The following HACE1 variants were observed in gnomAD, a reference collection of about 807,000 sequenced individuals.
HACE1 encodes HECT domain and ankyrin repeat containing E3 ubiquitin protein ligase 1.
HACE1 carries 73 observed loss-of-function variants against 118.4 expected under a neutral mutation model. That is an observed-to-expected ratio of 0.62 (90% CI 0.51 to 0.75). The LOEUF is 0.75. Ranked by LOEUF, HACE1 falls within the 30% of genes least tolerant of loss-of-function variation. The pLI, the probability that HACE1 is intolerant of heterozygous loss-of-function variation, is 0.00. For missense variants in HACE1, 749 were observed against 1,102.2 expected (o/e 0.68, Z 4.54); for synonymous variants, 368 against 374.8 (o/e 0.98, Z 0.21).
rs192037214 is a variant in HACE1 at position 104,761,334 on chromosome 6, C to T, written c.2211+9859G>A. ...CTACAGTAACCAAAACAGAATGGTA[C>T]TGGTACCAAAACGATATATAGAACA... On this transcript the variant is annotated intron_variant, in intron 19 of 23. Coordinates refer to ENST00000262903, the MANE Select transcript of HACE1 (RefSeq NM_020771.4). Among the ~76,000 whole-genome samples, 163 of 152,316 alleles carry T rather than the reference C, an allele frequency of 1.1e-3. 1 individual carries two copies. Among genetic ancestry groups the T allele is most frequent in the Non-Finnish European group, 1.4e-3 (92 of 68,038 alleles).
chr6:104,774,887 C>G (rs1011007406), intron 17 of HACE1, among the ~76,000 whole-genome samples: 1 of 152,160 alleles, frequency 6.6e-6, no homozygotes, highest in Non-Finnish European at 1.5e-5. Flanking sequence ...TTATAGATAT[C>G]GGGTCTACCC....
intron 14 of HACE1, among the ~76,000 whole-genome samples, chr6:104,778,739 G>A (rs1200692815): frequency 6.6e-6 from 1 of 152,066 alleles, no homozygotes; most frequent in East Asian, 1.9e-4. Context: ...GTTCAAGGCT[G>A]CAATGAGCTA....
intron 6 of HACE1, 78 bp downstream of exon 6, chr6:104,832,964 G>T: frequency 7.8e-7 from 1 of 1,287,490 alleles, no homozygotes; most frequent in Non-Finnish European, 1.1e-6. Context: ...TCCCAAATAT[G>T]CACAATGAAA....
At chr6:104,750,309 G>A in intron 20 of HACE1, 32 bp downstream of exon 20, 2 of 1,576,790 alleles carry the variant, frequency 1.3e-6, no homozygotes, top group South Asian at 1.1e-5. Context: ...TTGTTGTTGT[G>A]TTACAACATA....
At chr6:104,737,220 G>T (rs1041924450) in intron 22 of HACE1, among the ~76,000 whole-genome samples, 1 of 149,872 alleles carries the variant, frequency 6.7e-6, no homozygotes, top group African/African-American at 2.5e-5. Flanking sequence ...TGAACCCAGG[G>T]GGCGGAGGTT....
At chr6:104,796,317 C>G (rs1769617575) in intron 9 of HACE1, among the ~76,000 whole-genome samples, 1 of 151,804 alleles carries the variant, frequency 6.6e-6, no homozygotes, top group Admixed American at 6.6e-5. Context: ...TCTTTGTTGC[C>G]CAAGCTAGTC....
At chr6:104,776,330 A>C (rs1024819574) in intron 17 of HACE1, among the ~76,000 whole-genome samples, 1 of 152,186 alleles carries the variant, frequency 6.6e-6, no homozygotes, top group African/African-American at 2.4e-5. Flanking sequence ...CCAAATAGGG[A>C]CTTTTATTTG....
chr6:104,784,152 G>A lies in HACE1; in HGVS notation c.1500C>T (p.Asp500=), dbSNP rs768078693. Residue 500 remains aspartate, a synonymous_variant, in exon 14 of 24, where the codon GAC becomes GAT. Transcript: ENST00000262903. ...FVNRNPKIIF[D]HFHFLLECPE... The stretch of plus-strand genomic sequence containing the variant: ...GACATTCAAGGAGAAAGTGAAAGTG[G>A]TCAAATATAATTTTGGGATTTCTAA... 1 of 1,591,684 alleles carries A rather than the reference G, an allele frequency of 6.3e-7. No homozygotes were observed. Among genetic ancestry groups the A allele is most frequent in the Non-Finnish European group, 8.6e-7 (1 of 1,159,730 alleles).
chr6:104,743,128 C>T (rs1776980742), intron 22 of HACE1, among the ~76,000 whole-genome samples: 1 of 132,086 alleles, frequency 7.6e-6, no homozygotes, highest in Admixed American at 9.7e-5. Context: ...CACATGGACA[C>T]AGGAAGGGGA....
At chr6:104,799,170 G>A (rs1770019773) in intron 7 of HACE1, among the ~76,000 whole-genome samples, 1 of 152,210 alleles carries the variant, frequency 6.6e-6, no homozygotes, top group Non-Finnish European at 1.5e-5. Flanking sequence ...ACTTAACGGT[G>A]ACACTGTTAT....
At chr6:104,794,252 T>C (rs1783375901) in intron 10 of HACE1, among the ~76,000 whole-genome samples, 2 of 152,154 alleles carry the variant, frequency 1.3e-5, no homozygotes, top group Admixed American at 6.5e-5. Flanking sequence ...AAGGTAAACT[T>C]AAAAACATAG....
At chr6:104,744,417 G>C (rs1777180407) in intron 21 of HACE1, 95 bp downstream of exon 21, 2 of 840,406 alleles carry the variant, frequency 2.4e-6, no homozygotes, top group Admixed American at 3.6e-5. Flanking sequence ...ACTTTACTTT[G>C]TTAATTAATG....
intron 6 of HACE1, among the ~76,000 whole-genome samples, chr6:104,812,321 TA>T (rs1178093815): frequency 4.6e-5 from 7 of 152,170 alleles, no homozygotes; most frequent in Non-Finnish European, 8.8e-5. Flanking sequence ...CACATCATAG[TA>T]GTAGGCCTAG....
chr6:104,852,242 TGCACGG>T, intron 2 of HACE1, 69 bp downstream of exon 2: 1 of 759,792 alleles, frequency 1.3e-6, no homozygotes, highest in African/African-American at 1.9e-5. Context: ...CGCGTGCGCG[TGCACGG>T]GCATGCAGTA....
Position 104,810,685 on chromosome 6 carries a change from T to C in HACE1, c.617+626A>G, listed in dbSNP as rs560747842. Among the ~76,000 whole-genome samples, 3 of 152,160 alleles carry C rather than the reference T, an allele frequency of 2.0e-5. No homozygotes were observed. In the South Asian group the frequency reaches 6.2e-4, roughly 32 times the overall value. Reference sequence around the variant, plus strand: ...TTACTGTATTACACACCTACAACAATGCATGACACAGTGAGCGTTAACTAA... The same window carrying C: ...TTACTGTATTACACACCTACAACAACGCATGACACAGTGAGCGTTAACTAA... On this transcript the variant is annotated intron_variant, in intron 7 of 23. Transcript: ENST00000262903.
At chr6:104,858,634 G>A (rs906199100) in intron 1 of HACE1, 10 of 202,232 alleles carry the variant, frequency 4.9e-5, no homozygotes, top group African/African-American at 2.1e-4. Context: ...AAACCACCCA[G>A]CAGCAATTCA....
chr6:104,775,277 C>T (rs975070349), intron 17 of HACE1, among the ~76,000 whole-genome samples: 2 of 151,790 alleles, frequency 1.3e-5, no homozygotes, highest in Admixed American at 1.3e-4. Flanking sequence ...ACCAGCTACT[C>T]GGGAGGCTGA....
intron 22 of HACE1, chr6:104,732,130 TG>T (rs1775277564): frequency 6.6e-6 from 1 of 152,140 alleles, no homozygotes; most frequent in African/African-American, 2.4e-5. Context: ...GCAGCCTCTG[TG>T]GAAAACAGTA....
chr6:104,798,524 C>A (rs904112551), intron 7 of HACE1, among the ~76,000 whole-genome samples: 2 of 151,808 alleles, frequency 1.3e-5, no homozygotes, highest in South Asian at 4.2e-4. Flanking sequence ...ACCAATAAGC[C>A]CTAACTTAAG....
Sources: gnomAD v4.1 joint callset for allele counts (sites outside exome capture counted in the v4.1 genomes callset) on GRCh38, gnomAD v4.1.1 for gene constraint, MANE v1.5 for transcripts, NCBI Gene and HGNC (gene_info 2026-07-23, HGNC 2026-07-21) for gene names.